The following MEF2C variants were observed in gnomAD, a reference collection of about 807,000 sequenced individuals.
MEF2C encodes the protein myocyte-specific enhancer factor 2C.
Under a neutral mutation model 50.5 loss-of-function variants are expected in MEF2C, and 6 were observed. The observed-to-expected ratio is 0.12, with a 90% CI of 0.07 to 0.23. The LOEUF is 0.23. Among genes scored for constraint, MEF2C ranks in the 10% least tolerant of loss-of-function variants. The pLI, the probability that MEF2C is intolerant of heterozygous loss-of-function variation, is 1.00. For missense variants in MEF2C, 276 were observed against 605.0 expected, an observed-to-expected ratio of 0.46 and a Z score of 5.70; for synonymous variants, 183 against 228.0, an observed-to-expected ratio of 0.80 and a Z score of 1.78.
At chr5:88,733,537 G>C (rs1383498459) in intron 6 of MEF2C, 1 of 985,102 alleles carries the variant, frequency 1.0e-6, no homozygotes, top group Admixed American at 6.2e-5. Context: ...TTGATGGCCT[G>C]AGATAGAGGC....
At chr5:88,837,438 G>A (rs1815607415) in intron 1 of MEF2C, among the ~76,000 whole-genome samples, 1 of 152,090 alleles carries the variant, frequency 6.6e-6, no homozygotes, top group Non-Finnish European at 1.5e-5. Flanking sequence ...AAAGCACTAA[G>A]CGCAAAGCAA....
chr5:88,729,621 G>T, intron 8 of MEF2C: 1 of 394,168 alleles, frequency 2.5e-6, no homozygotes, highest in Non-Finnish European at 4.7e-6. Context: ...AACAGACTAT[G>T]TTGAAAACTG....
chr5:88,818,769 T>A (rs1329416764), intron 2 of MEF2C, among the ~76,000 whole-genome samples: 1 of 151,940 alleles, frequency 6.6e-6, no homozygotes, highest in African/African-American at 2.4e-5. Flanking sequence ...CCTGTTCCAC[T>A]TTTCCATCCA....
chr5:88,838,742 G>T, intron 1 of MEF2C: 4 of 983,786 alleles, frequency 4.1e-6, no homozygotes, highest in Non-Finnish European at 4.8e-6. Flanking sequence ...TTTCCTTCTC[G>T]TTATGCTCTT....
Position 88,761,284 on chromosome 5 carries a change from G to C in MEF2C, c.303C>G (p.Pro101=), listed in dbSNP as rs1777733173. Residue 101 remains proline (P), a synonymous_variant, in exon 4 of 11, where the codon CCC becomes CCG. Transcript: ENST00000504921. ...TGTGACCTACGGAATCGTCCGCATC[G>C]GGGTCTGGGCTGTCACAGCCATTAA... ...KGLNGCDSPD[P]DADDSVGHSP... 6.2e-7 allele frequency: 1 copy of C among 1,614,006 alleles called. No homozygotes were observed.
chr5:88,859,110 T>C (rs563016877), intron 1 of MEF2C, among the ~76,000 whole-genome samples: 1 of 152,344 alleles, frequency 6.6e-6, no homozygotes. Flanking sequence ...TATGGCTTCT[T>C]ACTATTTTTA....
intron 1 of MEF2C, among the ~76,000 whole-genome samples, chr5:88,891,299 CATA>C (rs1320002339): frequency 6.6e-6 from 1 of 150,908 alleles, no homozygotes; most frequent in African/African-American, 2.4e-5. Flanking sequence ...TTTAGCAAAG[CATA>C]ATCTTTCTCA....
At position 88,722,550 on chromosome 5, in the gene MEF2C, T is replaced by C. The variant is rs1056800586; in HGVS notation, c.*54A>G. The C allele has an allele frequency of 4.1e-6, 6 of 1,470,814 alleles. No individual in the cohort carries two copies. In the Admixed American group the frequency reaches 1.2e-4, roughly 29 times the overall value. 91.1% of individuals were successfully genotyped at this position (1,470,814 alleles called of 1,614,324 possible). On this transcript the variant is annotated 3_prime_UTR_variant, in exon 11 of 11. Coordinates refer to ENST00000504921, the MANE Select transcript of MEF2C (RefSeq NM_002397.5). ...TCGACCCCCCTTCCCCATTAAGGTATAGCACACACACACACTGCAAGAAAA... is the reference window on the plus strand; with the variant it reads ...TCGACCCCCCTTCCCCATTAAGGTACAGCACACACACACACTGCAAGAAAA...
intron 3 of MEF2C, among the ~76,000 whole-genome samples, chr5:88,782,471 A>T (rs1049470154): frequency 1.2e-4 from 18 of 151,472 alleles, no homozygotes; most frequent in African/African-American, 3.6e-4. Context: ...TCTCAAAAAA[A>T]AAAAAAATAA....
intron 3 of MEF2C, chr5:88,780,961 C>A: frequency 2.0e-6 from 2 of 985,024 alleles, no homozygotes; most frequent in Non-Finnish European, 2.4e-6. Context: ...CTAATGCTAT[C>A]TACCAGAGTT....
intron 6 of MEF2C, chr5:88,733,533 G>A (rs1762562400): frequency 2.0e-6 from 2 of 985,202 alleles, no homozygotes; most frequent in Non-Finnish European, 2.4e-6. Flanking sequence ...TACTTTGATG[G>A]CCTGAGATAG....
chr5:88,772,844 A>G (rs1783002889), intron 3 of MEF2C: 1 of 985,318 alleles, frequency 1.0e-6, no homozygotes, highest in Non-Finnish European at 1.2e-6. Flanking sequence ...AGGGTCTCTT[A>G]TAGTCTATCT....
chr5:88,777,046 G>T (rs1403596244), intron 3 of MEF2C, among the ~76,000 whole-genome samples: 1 of 152,172 alleles, frequency 6.6e-6, no homozygotes, highest in Non-Finnish European at 1.5e-5. Context: ...CCATGGAAAT[G>T]TACTGCAAAC....
chr5:88,767,200 T>C (rs766947683), intron 3 of MEF2C, among the ~76,000 whole-genome samples: 2 of 152,228 alleles, frequency 1.3e-5, no homozygotes, highest in African/African-American at 2.4e-5. Context: ...TGCCAGATAC[T>C]GTTTTGTACG....
intron 3 of MEF2C, among the ~76,000 whole-genome samples, chr5:88,778,960 C>T (rs1019529002): frequency 2.0e-5 from 3 of 152,246 alleles, no homozygotes; most frequent in East Asian, 3.8e-4. Context: ...ACTCTGCTTC[C>T]GCAGTAGCGG....
intron 1 of MEF2C, among the ~76,000 whole-genome samples, chr5:88,833,910 AAACT>A (rs1230707968): frequency 6.6e-6 from 1 of 152,148 alleles, no homozygotes; most frequent in Non-Finnish European, 1.5e-5. Context: ...GCCCTTGCCA[AAACT>A]CTGTAGTTAC....
chr5:88,749,612 T>G, intron 5 of MEF2C: 1 of 494,026 alleles, frequency 2.0e-6, no homozygotes, highest in Non-Finnish European at 2.6e-6. Flanking sequence ...TAACAAATTT[T>G]TCACCGGCCA....
intron 3 of MEF2C, among the ~76,000 whole-genome samples, chr5:88,779,617 G>T (rs1786756057): frequency 6.6e-6 from 1 of 151,878 alleles, no homozygotes; most frequent in Non-Finnish European, 1.5e-5. Context: ...GTGTGTGTGT[G>T]TGTGTGTGTG....
intron 1 of MEF2C, chr5:88,839,351 C>CTATCTG (rs1554040261): frequency 2.7e-5 from 4 of 146,298 alleles, no homozygotes; most frequent in Non-Finnish European, 4.5e-5. Context: ...CTCTCTCTCT[C>CTATCTG]TCTATCTATC....
Sources: gnomAD v4.1 joint callset for allele counts (sites outside exome capture counted in the v4.1 genomes callset) on GRCh38, gnomAD v4.1.1 for gene constraint, MANE v1.5 for transcripts, NCBI Gene and HGNC (gene_info 2026-07-23, HGNC 2026-07-21) for gene names.